The following KCNIP4 variants were observed in gnomAD, a reference collection of about 807,000 sequenced individuals.
KCNIP4 encodes the protein potassium voltage-gated channel interacting protein 4, also known as Kv channel-interacting protein 4.
KCNIP4 carries 12 observed loss-of-function variants against 34.0 expected under a neutral mutation model. That is an observed-to-expected ratio of 0.35 (90% CI 0.23 to 0.57). KCNIP4 has a LOEUF of 0.57. Among genes scored for constraint, KCNIP4 ranks in the 20% least tolerant of loss-of-function variants. KCNIP4 has a pLI of 0.83. For missense variants in KCNIP4, 238 were observed against 311.7 expected (o/e 0.76, Z 1.78); for synonymous variants, 124 against 102.2 (o/e 1.21, Z -1.29).
intron 1 of KCNIP4, among the ~76,000 whole-genome samples, chr4:21,180,688 TATATA>T (rs1489346147): frequency 6.6e-6 from 1 of 150,798 alleles, no homozygotes; most frequent in Non-Finnish European, 1.5e-5. Flanking sequence ...TTTGTGTGTA[TATATA>T]ATATATTTAG....
intron 1 of KCNIP4, among the ~76,000 whole-genome samples, chr4:21,345,444 GATTTGTTACATAGTAATGGATAACT>G (rs1251267597): frequency 6.6e-6 from 1 of 152,114 alleles, no homozygotes. Flanking sequence ...AGTTTGAGGT[GATTTGTTACATAGTAATGGATAACT>G]AATATAGCAG....
chr4:21,601,783 C>T (rs1743183988), intron 1 of KCNIP4, among the ~76,000 whole-genome samples: 1 of 152,098 alleles, frequency 6.6e-6, no homozygotes. Flanking sequence ...GCTTTAGGAA[C>T]TTTGCTCTCA....
chr4:21,677,020 C>CA (rs1749968886), intron 1 of KCNIP4, among the ~76,000 whole-genome samples: 2 of 147,366 alleles, frequency 1.4e-5, no homozygotes, highest in Non-Finnish European at 3.0e-5. Context: ...TAAATCTTAG[C>CA]AAAGATAATG....
chr4:21,329,592 T>C (rs932121004), intron 1 of KCNIP4, among the ~76,000 whole-genome samples: 1 of 152,162 alleles, frequency 6.6e-6, no homozygotes, highest in Non-Finnish European at 1.5e-5. Context: ...GAACGGTATA[T>C]GGTGCTATGG....
chr4:21,746,553 A>T (rs1282598389), intron 1 of KCNIP4, among the ~76,000 whole-genome samples: 2 of 150,848 alleles, frequency 1.3e-5, no homozygotes, highest in African/African-American at 4.9e-5. Context: ...ATTATAAAAA[A>T]TATTATACTC....
chr4:21,336,327 T>A (rs1716177267), intron 1 of KCNIP4, among the ~76,000 whole-genome samples: 1 of 152,146 alleles, frequency 6.6e-6, no homozygotes, highest in African/African-American at 2.4e-5. Flanking sequence ...CTCTGTGTAC[T>A]TACTGAGGGG....
intron 1 of KCNIP4, among the ~76,000 whole-genome samples, chr4:21,100,075 A>G (rs147472605): frequency 3.0e-3 from 453 of 152,344 alleles, no homozygotes; most frequent in Non-Finnish European, 4.5e-3. Context: ...TGTTGAAGTG[A>G]CTACAAAGGA....
intron 1 of KCNIP4, among the ~76,000 whole-genome samples, chr4:21,519,954 T>C (rs1291913354): frequency 2.0e-5 from 3 of 151,258 alleles, no homozygotes; most frequent in Non-Finnish European, 4.4e-5. Flanking sequence ...CAATAGGCCA[T>C]TTGCAAGCTA....
intron 3 of KCNIP4, among the ~76,000 whole-genome samples, chr4:20,829,231 G>A (rs147671943): frequency 5.3e-5 from 8 of 151,612 alleles, no homozygotes; most frequent in South Asian, 2.1e-4. Flanking sequence ...TTTTTGAGAC[G>A]GAGTCTCACT....
At chr4:21,043,562 C>G (rs1399427683) in intron 1 of KCNIP4, among the ~76,000 whole-genome samples, 1 of 151,630 alleles carries the variant, frequency 6.6e-6, no homozygotes, top group Non-Finnish European at 1.5e-5. Context: ...TGGTCTCAAA[C>G]TCCTGACCTC....
At chr4:21,521,380 A>G (rs1345344093) in intron 1 of KCNIP4, among the ~76,000 whole-genome samples, 1 of 152,168 alleles carries the variant, frequency 6.6e-6, no homozygotes, top group African/African-American at 2.4e-5. Context: ...TTCATGACAT[A>G]AACTTCATGA....
At chr4:21,114,951 C>A (rs73105365) in intron 1 of KCNIP4, among the ~76,000 whole-genome samples, 3,205 of 152,218 alleles carry the variant, frequency 0.021, 112 homozygotes, top group African/African-American at 0.073. Flanking sequence ...AGTAAAAAGA[C>A]TCAAAAATAA....
intron 1 of KCNIP4, among the ~76,000 whole-genome samples, chr4:21,628,421 A>C (rs1332879337): frequency 1.3e-5 from 2 of 152,128 alleles, no homozygotes; most frequent in Non-Finnish European, 2.9e-5. Flanking sequence ...AAGGTGTGTA[A>C]GTCCTAGCAC....
chr4:20,927,397 G>A (rs943339896), intron 1 of KCNIP4, among the ~76,000 whole-genome samples: 5 of 152,056 alleles, frequency 3.3e-5, no homozygotes, highest in African/African-American at 1.2e-4. Flanking sequence ...GAAGTGTGTG[G>A]GAATAAAATG....
intron 1 of KCNIP4, among the ~76,000 whole-genome samples, chr4:21,753,542 A>G (rs1458762565): frequency 6.6e-6 from 1 of 152,212 alleles, no homozygotes; most frequent in Non-Finnish European, 1.5e-5. Context: ...CTCTAAAAAA[A>G]TATGCCCTAG....
chr4:20,850,893 T>TC, intron 2 of KCNIP4: 1 of 397,712 alleles, frequency 2.5e-6, no homozygotes, highest in South Asian at 6.6e-5. Flanking sequence ...AATGTAGATA[T>TC]TACAACCCTA....
At chr4:21,806,740 A>C (rs1721321887) in intron 1 of KCNIP4, among the ~76,000 whole-genome samples, 1 of 152,150 alleles carries the variant, frequency 6.6e-6, no homozygotes, top group Non-Finnish European at 1.5e-5. Flanking sequence ...GAGAAGTATC[A>C]AATATGCATG....
chr4:21,889,671 C>T (rs1028111719), intron 1 of KCNIP4, among the ~76,000 whole-genome samples: 9 of 152,090 alleles, frequency 5.9e-5, no homozygotes, highest in African/African-American at 1.7e-4. Flanking sequence ...TGGTTCAGAA[C>T]ATGTAAAGGT....
intron 1 of KCNIP4, among the ~76,000 whole-genome samples, chr4:21,413,663 G>A (rs573127720): frequency 3.3e-5 from 5 of 152,110 alleles, no homozygotes; most frequent in Admixed American, 2.6e-4. Context: ...CCCATTCAGC[G>A]TCACATCCCT....
Sources: allele counts gnomAD v4.1 joint callset (sites outside exome capture counted in the v4.1 genomes callset), GRCh38; gene constraint gnomAD v4.1.1; transcripts MANE v1.5; gene names NCBI Gene and HGNC (gene_info 2026-07-23, HGNC 2026-07-21).